The following STX6 variants were observed in gnomAD, a reference collection of about 807,000 sequenced individuals.
STX6 encodes the protein syntaxin-6.
A neutral mutation model predicts 38.0 loss-of-function variants in STX6; 23 were observed. The ratio of observed to expected loss-of-function variants is 0.60; its 90% CI spans 0.43 to 0.86. The LOEUF is 0.86. STX6 is among the 40% of genes least tolerant of loss of function. The pLI is 0.00. For synonymous variants in STX6, 123 were observed against 107.5 expected (o/e 1.14, Z -0.89); for missense variants, 274 against 312.9 (o/e 0.88, Z 0.94).
chr1:181,000,608 G>C (rs112126851), intron 3 of STX6, among the ~76,000 whole-genome samples: 41 of 152,248 alleles, frequency 2.7e-4, no homozygotes, highest in African/African-American at 9.1e-4. Context: ...TTTGGGTGGG[G>C]AAACAGCTAA....
Position 180,976,326 on chromosome 1 carries a change from C to T in STX6, c.*244G>A, listed in dbSNP as rs902982205. On this transcript the variant is annotated 3_prime_UTR_variant, in exon 8 of 8. Transcript: ENST00000258301. ...CTAGTTCTCCTCCGAACTGGACAGG[C>T]GGCATGGGGCTTCTGTTGTCCAGCT... is the stretch of plus-strand genomic sequence containing the variant. 15 of 491,750 alleles carry T rather than the reference C, an allele frequency of 3.1e-5. No homozygotes were observed. The highest frequency in any genetic ancestry group is 4.8e-5 in the Non-Finnish European group (13 of 268,752). The allele number at this position is 491,750 out of a possible 1,614,324, so 30.5% of individuals were successfully genotyped here.
chr1:180,993,873 C>T (rs1195199285), intron 3 of STX6, among the ~76,000 whole-genome samples: 2 of 152,158 alleles, frequency 1.3e-5, no homozygotes, highest in African/African-American at 2.4e-5. Flanking sequence ...TGTTCAAGGG[C>T]TTGCATCTTT....
At chr1:180,999,769 G>A (rs72709641) in intron 3 of STX6, among the ~76,000 whole-genome samples, 8,550 of 151,994 alleles carry the variant, frequency 0.056, 316 homozygotes, top group East Asian at 0.098. Flanking sequence ...CAAAATTTTG[G>A]AGCAATATTA....
At chr1:181,017,532 C>T (rs991114058) in intron 1 of STX6, among the ~76,000 whole-genome samples, 2 of 152,194 alleles carry the variant, frequency 1.3e-5, no homozygotes, top group African/African-American at 4.8e-5. Context: ...TCTCCACATG[C>T]TCAGTTACAT....
intron 4 of STX6, among the ~76,000 whole-genome samples, chr1:180,991,043 C>T (rs768857029): frequency 3.3e-5 from 5 of 152,132 alleles, no homozygotes; most frequent in Non-Finnish European, 5.9e-5. Context: ...ATTTTCCTAT[C>T]GGGTAATTTA....
intron 1 of STX6, among the ~76,000 whole-genome samples, chr1:181,017,261 C>T (rs1429899016): frequency 2.7e-5 from 4 of 150,300 alleles, no homozygotes; most frequent in Non-Finnish European, 4.4e-5. Context: ...GGCGTGGTGG[C>T]GGGCACCTGT....
At chr1:181,017,027 G>A (rs946055971) in intron 1 of STX6, among the ~76,000 whole-genome samples, 4 of 150,532 alleles carry the variant, frequency 2.7e-5, no homozygotes, top group Admixed American at 6.6e-5. Context: ...GAGCCAAGAC[G>A]CGCCACTGCA....
intron 6 of STX6, among the ~76,000 whole-genome samples, chr1:180,985,824 G>C (rs1472014438): frequency 1.3e-5 from 2 of 152,174 alleles, no homozygotes; most frequent in Non-Finnish European, 2.9e-5. Flanking sequence ...TATTAACTCT[G>C]ACAGCATCAA....
intron 1 of STX6, among the ~76,000 whole-genome samples, chr1:181,009,519 G>A (rs1656333546): frequency 7.0e-6 from 1 of 142,816 alleles, no homozygotes. Flanking sequence ...CTTCACCAAA[G>A]ACATACATAT....
chr1:181,013,378 G>A (rs1656465381), intron 1 of STX6, among the ~76,000 whole-genome samples: 1 of 152,146 alleles, frequency 6.6e-6, no homozygotes, highest in Non-Finnish European at 1.5e-5. Flanking sequence ...GAGTGCAGTG[G>A]TGCAATCACA....
chr1:180,981,419 T>C (rs1655412749), intron 7 of STX6, among the ~76,000 whole-genome samples: 1 of 152,236 alleles, frequency 6.6e-6, no homozygotes, highest in Non-Finnish European at 1.5e-5. Flanking sequence ...TAGTTGCGAT[T>C]CTTTCAGGAC....
intron 7 of STX6, among the ~76,000 whole-genome samples, chr1:180,978,863 C>A (rs1176021465): frequency 6.6e-6 from 1 of 152,168 alleles, no homozygotes; most frequent in Non-Finnish European, 1.5e-5. Context: ...GGTCTATTTA[C>A]CACAGTTCCT....
rs778304136 is a variant in STX6 at position 180,993,399 on chromosome 1, T to C, written c.327A>G (p.Ser109=). The change falls in exon 4 of 8, where the codon TCA becomes TCG. Residue 109 remains serine, a synonymous_variant. Transcript: ENST00000258301. ...VRDMKDQMST[S]SVQALAERKN... ...TTCTTTCAGCTAATGCCTGCACAGA[T>C]GAAGTTGACATCTGATCTTTCATGT... The C allele has an allele frequency of 1.3e-6, 2 of 1,599,894 alleles. No homozygotes were observed. The highest frequency in any genetic ancestry group is 2.2e-5 in the East Asian group (1 of 44,798).
chr1:180,981,027 G>A (rs1242881185), intron 7 of STX6, among the ~76,000 whole-genome samples: 4 of 152,312 alleles, frequency 2.6e-5, no homozygotes, highest in Non-Finnish European at 5.9e-5. Context: ...TGGGGGAAGG[G>A]AGGGATAAAC....
At chr1:180,984,207 C>T (rs1037148411) in intron 7 of STX6, among the ~76,000 whole-genome samples, 1 of 151,490 alleles carries the variant, frequency 6.6e-6, no homozygotes, top group African/African-American at 2.4e-5. Flanking sequence ...TACAAGTCTT[C>T]CATTCTCTGA....
At chr1:180,993,209 G>A (rs1655802680) in intron 4 of STX6, among the ~76,000 whole-genome samples, 154 bp downstream of exon 4, 4 of 152,128 alleles carry the variant, frequency 2.6e-5, no homozygotes, top group Admixed American at 2.6e-4. Flanking sequence ...CAGGCTGCCT[G>A]GACTGTCACA....
In STX6 at chr1:180,998,678, G is replaced by A. The variant is rs138726082; in HGVS notation, c.300+3928C>T. On this transcript the variant is annotated intron_variant, in intron 3 of 7. Coordinates refer to ENST00000258301, the MANE Select transcript of STX6 (RefSeq NM_005819.6). ...TTATAGGCATGAGCCACCACACCCC[G>A]CCAGCTTTCACTTCTAAGATGGCAC... 4.7e-3 allele frequency among the ~76,000 whole-genome samples: 715 copies of A among 152,262 alleles called. 4 individuals carry two copies. The highest frequency in any genetic ancestry group is 0.015 in the African/African-American group (639 of 41,544).
chr1:181,013,091 C>T (rs1045697291), intron 1 of STX6, among the ~76,000 whole-genome samples: 1 of 151,940 alleles, frequency 6.6e-6, no homozygotes, highest in African/African-American at 2.4e-5. Flanking sequence ...ATACAACCTC[C>T]CAATATGGTA....
At chr1:180,984,098 A>G (rs770325756) in intron 7 of STX6, among the ~76,000 whole-genome samples, 2 of 148,342 alleles carry the variant, frequency 1.3e-5, no homozygotes, top group African/African-American at 5.0e-5. Context: ...AAACACAACG[A>G]AAGTGACTCT....
Sources: allele counts gnomAD v4.1 joint callset (sites outside exome capture counted in the v4.1 genomes callset), GRCh38; gene constraint gnomAD v4.1.1; transcripts MANE v1.5; gene names NCBI Gene and HGNC (gene_info 2026-07-23, HGNC 2026-07-21).